KCNH7: variants seen among roughly 807,000 people sequenced by gnomAD.
The protein encoded by KCNH7 is potassium voltage-gated channel subfamily H member 7, also known as voltage-gated inwardly rectifying potassium channel KCNH7.
Under a neutral mutation model 120.8 loss-of-function variants are expected in KCNH7, and 49 were observed. The observed-to-expected ratio is 0.41, with a 90% confidence interval of 0.32 to 0.51. The LOEUF (loss-of-function observed/expected upper bound fraction) is 0.51. Among genes scored for constraint, KCNH7 ranks in the 20% least tolerant of loss-of-function variants. The pLI is 0.38. For synonymous variants in KCNH7, 547 were observed against 516.1 expected, an observed-to-expected ratio of 1.06 and a Z score of -0.81; for missense variants, 1,097 against 1,446.6, an observed-to-expected ratio of 0.76 and a Z score of 3.92.
At chr2:162,694,037 T>C (rs900594009) in intron 2 of KCNH7, among the ~76,000 whole-genome samples, 2 of 152,212 alleles carry the variant, frequency 1.3e-5, no homozygotes, top group African/African-American at 4.8e-5. Flanking sequence ...TAGAGAAAGG[T>C]ATTATACCAG....
chr2:162,757,574 C>T (rs894068276), intron 2 of KCNH7, among the ~76,000 whole-genome samples: 2 of 152,012 alleles, frequency 1.3e-5, no homozygotes, highest in South Asian at 4.1e-4. Flanking sequence ...TCTTTAGAAA[C>T]GTTTGACCAC....
At chr2:162,593,711 T>C (rs985849916) in intron 2 of KCNH7, among the ~76,000 whole-genome samples, 1 of 152,004 alleles carries the variant, frequency 6.6e-6, no homozygotes, top group Non-Finnish European at 1.5e-5. Flanking sequence ...CATGAACCTA[T>C]TTGACATTTT....
rs75869116 is a variant in KCNH7 at position 162,484,346 on chromosome 2, A to G, written c.1128+20097T>C. 3.4e-3 allele frequency among the ~76,000 whole-genome samples: 519 copies of G among 152,266 alleles called. 4 individuals are homozygous for G. The highest frequency in any genetic ancestry group is 0.012 in the African/African-American group (502 of 41,558). Reference sequence around the variant, plus strand: ...AATCTGGGGAAGTGTACAGGTCTCAATGCTGTGTCTCCTTGGTCCCCATTC... The same window carrying G: ...AATCTGGGGAAGTGTACAGGTCTCAGTGCTGTGTCTCCTTGGTCCCCATTC... On this transcript the variant is annotated intron_variant, in intron 6 of 15. Coordinates refer to ENST00000332142, the MANE Select transcript of KCNH7 (RefSeq NM_033272.4).
At chr2:162,747,275 T>G (rs1464554924) in intron 2 of KCNH7, among the ~76,000 whole-genome samples, 1 of 152,106 alleles carries the variant, frequency 6.6e-6, no homozygotes, top group Non-Finnish European at 1.5e-5. Context: ...GAAGCTTTAT[T>G]TAAATGGGGG....
At chr2:162,541,354 C>A (rs571578176) in intron 2 of KCNH7, among the ~76,000 whole-genome samples, 8 of 152,012 alleles carry the variant, frequency 5.3e-5, no homozygotes, top group Non-Finnish European at 1.2e-4. Context: ...AGATAAAGAA[C>A]TAGCAGAGAT....
chr2:162,412,825 A>G (rs1687429658), intron 9 of KCNH7, among the ~76,000 whole-genome samples: 1 of 152,160 alleles, frequency 6.6e-6, no homozygotes, highest in East Asian at 1.9e-4. Flanking sequence ...CTGAACTCAT[A>G]CTAACATGGC....
chr2:162,752,672 G>A (rs1306303816), intron 2 of KCNH7, among the ~76,000 whole-genome samples: 1 of 151,796 alleles, frequency 6.6e-6, no homozygotes, highest in Non-Finnish European at 1.5e-5. Flanking sequence ...GCCAAGGCAG[G>A]CAGATCACTT....
intron 2 of KCNH7, among the ~76,000 whole-genome samples, chr2:162,704,865 T>C (rs1162249467): frequency 6.6e-6 from 1 of 152,130 alleles, no homozygotes; most frequent in African/African-American, 2.4e-5. Context: ...GGAAGTAGTT[T>C]GAGATAAGGA....
chr2:162,509,717 C>T (rs1193638888), intron 5 of KCNH7, among the ~76,000 whole-genome samples: 3 of 151,548 alleles, frequency 2.0e-5, no homozygotes, highest in Non-Finnish European at 3.0e-5. Context: ...TGGGTAATGG[C>T]CAAGGCAGCC....
At chr2:162,727,151 G>A (rs1384446727) in intron 2 of KCNH7, among the ~76,000 whole-genome samples, 1 of 152,072 alleles carries the variant, frequency 6.6e-6, no homozygotes, top group East Asian at 1.9e-4. Context: ...TACTCCAAAA[G>A]TCCTGGTTTC....
intron 8 of KCNH7, among the ~76,000 whole-genome samples, chr2:162,427,652 T>C (rs1162915573): frequency 6.6e-6 from 1 of 151,944 alleles, no homozygotes; most frequent in Admixed American, 6.6e-5. Context: ...CATTTGTCCA[T>C]TCCTTTTCTT....
chr2:162,794,217 AGAAG>A (rs914493977), intron 2 of KCNH7, among the ~76,000 whole-genome samples: 8 of 151,922 alleles, frequency 5.3e-5, no homozygotes, highest in African/African-American at 1.2e-4. Flanking sequence ...AGGAAAACAA[AGAAG>A]GAAGGAAGGA....
chr2:162,452,102 T>A (rs182887497), intron 6 of KCNH7, among the ~76,000 whole-genome samples: 16 of 152,210 alleles, frequency 1.1e-4, no homozygotes, highest in Non-Finnish European at 2.2e-4. Context: ...GAGTGAAATA[T>A]TTATAAAGGA....
chr2:162,825,605 G>T (rs1296738471), intron 2 of KCNH7, among the ~76,000 whole-genome samples: 1 of 152,016 alleles, frequency 6.6e-6, no homozygotes, highest in African/African-American at 2.4e-5. Flanking sequence ...AGTACAGGTG[G>T]TCAAGATGGT....
chr2:162,618,456 C>A (rs555558724), intron 2 of KCNH7, among the ~76,000 whole-genome samples: 1 of 151,934 alleles, frequency 6.6e-6, no homozygotes, highest in Non-Finnish European at 1.5e-5. Context: ...CACATACGTG[C>A]TTACATAGAA....
chr2:162,697,323 C>G (rs1407234611), intron 2 of KCNH7, among the ~76,000 whole-genome samples: 2 of 152,100 alleles, frequency 1.3e-5, no homozygotes, highest in Non-Finnish European at 2.9e-5. Context: ...CAGCAAAATG[C>G]ACACTGGGAA....
chr2:162,775,993 A>G (rs762939767), intron 2 of KCNH7, among the ~76,000 whole-genome samples: 12 of 152,328 alleles, frequency 7.9e-5, no homozygotes, highest in Middle Eastern at 3.4e-3. Context: ...TACAGAGTGA[A>G]TACATGGACT....
intron 2 of KCNH7, among the ~76,000 whole-genome samples, chr2:162,634,063 A>G (rs1683858187): frequency 6.6e-6 from 1 of 152,056 alleles, no homozygotes; most frequent in African/African-American, 2.4e-5. Context: ...GTTGTGTGGG[A>G]AATTAATGTT....
chr2:162,480,931 C>G (rs756980201), intron 6 of KCNH7, among the ~76,000 whole-genome samples: 2 of 152,110 alleles, frequency 1.3e-5, no homozygotes, highest in Non-Finnish European at 2.9e-5. Flanking sequence ...CTTTGCCTCC[C>G]CTATTCACTG....
Sources: gnomAD v4.1 joint callset for allele counts (sites outside exome capture counted in the v4.1 genomes callset) on GRCh38, gnomAD v4.1.1 for gene constraint, MANE v1.5 for transcripts, NCBI Gene and HGNC (gene_info 2026-07-23, HGNC 2026-07-21) for gene names.